CREB5: variants seen among roughly 807,000 people sequenced by gnomAD.
The protein encoded by CREB5 is cAMP responsive element binding protein 5.
CREB5 carries 19 observed loss-of-function variants against 57.1 expected under a neutral mutation model. The observed-to-expected ratio is 0.33, with a 90% CI of 0.23 to 0.49. The LOEUF (loss-of-function observed/expected upper bound fraction) is 0.49. Ranked by LOEUF, CREB5 falls within the 20% of genes least tolerant of loss-of-function variation. The probability of loss-of-function intolerance (pLI) is 0.99; values close to 1 mark genes in which losing one functional copy is unlikely to be tolerated. For missense variants in CREB5, 579 were observed against 671.6 expected (o/e 0.86, Z 1.52); for synonymous variants, 238 against 238.3 (o/e 1.00, Z 0.01).
intron 1 of CREB5, among the ~76,000 whole-genome samples, chr7:28,430,976 A>G (rs1023618206): frequency 2.0e-5 from 3 of 152,150 alleles, no homozygotes; most frequent in African/African-American, 7.2e-5. Context: ...GCTCACTTGT[A>G]TGGCTGTTGG....
intron 1 of CREB5, among the ~76,000 whole-genome samples, chr7:28,428,113 C>T (rs1389624391): frequency 1.3e-5 from 2 of 152,098 alleles, no homozygotes; most frequent in Non-Finnish European, 2.9e-5. Flanking sequence ...GGGAGGAATT[C>T]CTATGGAGAT....
chr7:28,769,299 A>T (rs767028238), intron 7 of CREB5, among the ~76,000 whole-genome samples: 1 of 152,224 alleles, frequency 6.6e-6, no homozygotes, highest in Non-Finnish European at 1.5e-5. Context: ...TGACTATAAT[A>T]AACAACAATT....
intron 1 of CREB5, among the ~76,000 whole-genome samples, chr7:28,461,840 A>C (rs991888649): frequency 7.9e-5 from 12 of 152,164 alleles, no homozygotes; most frequent in Admixed American, 2.6e-4. Context: ...ATGGGAGTAC[A>C]ATGTAGAGAG....
intron 5 of CREB5, among the ~76,000 whole-genome samples, chr7:28,573,616 C>A (rs1308508406): frequency 6.6e-6 from 1 of 152,178 alleles, no homozygotes; most frequent in Non-Finnish European, 1.5e-5. Context: ...TGCAGGCAAC[C>A]CCAAGTTTTC....
Position 28,825,289 on chromosome 7 carries a change from T to G in CREB5, c.*6010T>G, listed in dbSNP as rs1809998995. The G allele has an allele frequency of 6.6e-6, 1 of 152,380 alleles. No individual in the cohort carries two copies. The highest frequency in any genetic ancestry group is 2.4e-5 in the African/African-American group (1 of 41,442). The allele number at this position is 152,380 out of a possible 1,614,324, so 9.4% of individuals were successfully genotyped here. A position where few individuals can be genotyped will look rare whatever the true frequency, so the allele number is the denominator to read the frequency against. On this transcript the variant is annotated 3_prime_UTR_variant, in exon 11 of 11. Transcript: ENST00000357727. ...ACTCACCTTTTTCCCTTCTAAGTTCTGCTAAATCACATCTGCCTCATAGAG... is the reference window on the plus strand; with the variant it reads ...ACTCACCTTTTTCCCTTCTAAGTTCGGCTAAATCACATCTGCCTCATAGAG...
chr7:28,462,983 AT>A (rs2128576756), intron 1 of CREB5, among the ~76,000 whole-genome samples: 1 of 151,778 alleles, frequency 6.6e-6, no homozygotes, highest in East Asian at 1.9e-4. Flanking sequence ...TTATCTAAGG[AT>A]TTTTTGTTTT....
intron 7 of CREB5, among the ~76,000 whole-genome samples, chr7:28,776,482 T>A (rs1249957858): frequency 6.6e-6 from 1 of 152,234 alleles, no homozygotes; most frequent in African/African-American, 2.4e-5. Flanking sequence ...GCTTTTTATT[T>A]GGAGGAACAG....
At chr7:28,818,971 A>AAGTT (rs1809600884) in intron 10 of CREB5, 145 bp from the exon 11 acceptor site, 3 of 980,772 alleles carry the variant, frequency 3.1e-6, no homozygotes, top group Admixed American at 2.7e-5. Context: ...AAGTTTTGAA[A>AAGTT]TTAACTTTCA....
At chr7:28,626,773 A>G (rs1437832289) in intron 5 of CREB5, among the ~76,000 whole-genome samples, 1 of 152,168 alleles carries the variant, frequency 6.6e-6, no homozygotes, top group Non-Finnish European at 1.5e-5. Flanking sequence ...GCTCCATGGA[A>G]AGGCATGGTG....
chr7:28,752,424 C>G (rs901134022), intron 7 of CREB5, among the ~76,000 whole-genome samples: 3 of 152,214 alleles, frequency 2.0e-5, no homozygotes, highest in East Asian at 1.9e-4. Flanking sequence ...GCCTCAGCCT[C>G]CCATATTGCT....
chr7:28,406,435 G>T (rs1562694717), intron 1 of CREB5, among the ~76,000 whole-genome samples: 2 of 152,222 alleles, frequency 1.3e-5, no homozygotes, highest in African/African-American at 2.4e-5. Context: ...GTACCTCGGG[G>T]GTTGGCTGTG....
chr7:28,573,324 A>G (rs1368902751), intron 5 of CREB5, among the ~76,000 whole-genome samples: 1 of 151,964 alleles, frequency 6.6e-6, no homozygotes, highest in African/African-American at 2.4e-5. Flanking sequence ...TCTGATTTTT[A>G]TCACAACCTC....
intron 1 of CREB5, among the ~76,000 whole-genome samples, chr7:28,350,419 T>A (rs937012678): frequency 5.3e-5 from 8 of 152,058 alleles, no homozygotes; most frequent in Non-Finnish European, 8.8e-5. Context: ...TCCATTTTTA[T>A]CATGTGATGT....
At chr7:28,557,231 T>C (rs1012707631) in intron 4 of CREB5, among the ~76,000 whole-genome samples, 1 of 152,196 alleles carries the variant, frequency 6.6e-6, no homozygotes, top group South Asian at 2.1e-4. Flanking sequence ...GACTAAAGCA[T>C]CACCTTCTTT....
chr7:28,803,704 C>G (rs769194501), intron 7 of CREB5, among the ~76,000 whole-genome samples: 1 of 147,960 alleles, frequency 6.8e-6, no homozygotes, highest in African/African-American at 2.5e-5. Flanking sequence ...TGCAGTGAGC[C>G]GAGATCGCAC....
In CREB5 at chr7:28,589,171, C is replaced by T. The variant is rs1365663688; in HGVS notation, c.464+18634C>T. On this transcript the variant is annotated intron_variant, in intron 5 of 10. Coordinates refer to ENST00000357727, the MANE Select transcript of CREB5 (RefSeq NM_182898.4). ...TCATATAGCTGTACATCTATCCATC[C>T]ATCAGTCTTATTTTTTGATGCATTT... 2.0e-5 allele frequency among the ~76,000 whole-genome samples: 3 copies of T among 152,282 alleles called. No homozygotes were observed. The East Asian group carries it at 5.8e-4, about 29-fold the overall frequency.
intron 5 of CREB5, among the ~76,000 whole-genome samples, chr7:28,653,616 A>T (rs1176481024): frequency 2.0e-5 from 3 of 152,226 alleles, no homozygotes; most frequent in Admixed American, 6.5e-5. Context: ...TCTGAGAATG[A>T]ATCCATAGGC....
intron 1 of CREB5, among the ~76,000 whole-genome samples, chr7:28,457,593 T>G (rs562065700): frequency 6.6e-6 from 1 of 152,114 alleles, no homozygotes; most frequent in East Asian, 1.9e-4. Context: ...ATTCCAGGGA[T>G]TGGATTTTAT....
chr7:28,522,728 G>C (rs1583574154), intron 4 of CREB5, among the ~76,000 whole-genome samples: 1 of 152,154 alleles, frequency 6.6e-6, no homozygotes, highest in East Asian at 1.9e-4. Context: ...TCCTTCGTAA[G>C]GCTTCTGTTG....
Sources: gnomAD v4.1 joint callset for allele counts (sites outside exome capture counted in the v4.1 genomes callset) on GRCh38, gnomAD v4.1.1 for gene constraint, MANE v1.5 for transcripts, NCBI Gene and HGNC (gene_info 2026-07-23, HGNC 2026-07-21) for gene names.